EPDR1: variants seen among roughly 807,000 people sequenced by gnomAD.
EPDR1 encodes mammalian ependymin-related protein 1.
Under a neutral mutation model 23.7 loss-of-function variants are expected in EPDR1, and 27 were observed. The observed-to-expected ratio is 1.14, with a 90% CI of 0.84 to 1.57. EPDR1 has a LOEUF of 1.57. Ranked by LOEUF, EPDR1 falls within the 40% of genes most tolerant of loss-of-function variation. EPDR1 has a pLI of 0.00. For missense variants in EPDR1, 349 were observed against 290.4 expected, an observed-to-expected ratio of 1.20 and a Z score of -1.47; for synonymous variants, 137 against 118.2, an observed-to-expected ratio of 1.16 and a Z score of -1.03.
chr7:37,937,256 A>G (rs949393882), intron 1 of EPDR1, among the ~76,000 whole-genome samples: 10 of 152,212 alleles, frequency 6.6e-5, no homozygotes, highest in Admixed American at 2.6e-4. Flanking sequence ...AAACCAAACT[A>G]AAGATCTAAC....
intron 1 of EPDR1, among the ~76,000 whole-genome samples, chr7:37,946,509 T>G (rs1199722561): frequency 1.3e-5 from 2 of 152,240 alleles, no homozygotes; most frequent in Non-Finnish European, 2.9e-5. Flanking sequence ...TTCCTATGTT[T>G]GTTGGCCACA....
intron 1 of EPDR1, among the ~76,000 whole-genome samples, chr7:37,929,865 C>T (rs1484473764): frequency 6.6e-6 from 1 of 152,142 alleles, no homozygotes; most frequent in African/African-American, 2.4e-5. Context: ...CTCTCTTGTG[C>T]CTCAATTTCA....
chr7:37,950,528 T>A lies in EPDR1; in HGVS notation c.*132T>A. ...AATTTTAGGAAGATGCACATTGATGTGGGGTTTTGATGTGTCTGATTTTGA... is the reference window on the plus strand; with the variant it reads ...AATTTTAGGAAGATGCACATTGATGAGGGGTTTTGATGTGTCTGATTTTGA... On this transcript the variant is annotated 3_prime_UTR_variant, in exon 3 of 3. Transcript: ENST00000199448. 3.3e-6 allele frequency: 3 copies of A among 906,330 alleles called. No homozygotes were observed. The highest frequency in any genetic ancestry group is 5.3e-5 in the East Asian group (2 of 37,430). 56.1% of individuals were successfully genotyped at this position (906,330 alleles called of 1,614,324 possible).
chr7:37,935,173 G>T (rs1268385786), intron 1 of EPDR1, among the ~76,000 whole-genome samples: 3 of 152,070 alleles, frequency 2.0e-5, no homozygotes, highest in African/African-American at 7.3e-5. Context: ...TTCCATGGAG[G>T]TAGAGGGACT....
At chr7:37,921,306 C>T (rs1165109834) in intron 1 of EPDR1, 98 bp downstream of exon 1, 7 of 1,449,140 alleles carry the variant, frequency 4.8e-6, no homozygotes, top group Non-Finnish European at 6.3e-6. Flanking sequence ...TTTCCGGCCC[C>T]TTGCAGCTCC....
intron 1 of EPDR1, among the ~76,000 whole-genome samples, chr7:37,943,086 C>T (rs909184810): frequency 2.0e-5 from 3 of 152,204 alleles, no homozygotes; most frequent in Non-Finnish European, 4.4e-5. Flanking sequence ...AGCAGCAGGG[C>T]CTTTGTGGGA....
chr7:37,939,468 G>A (rs1196662279), intron 1 of EPDR1, among the ~76,000 whole-genome samples: 1 of 152,080 alleles, frequency 6.6e-6, no homozygotes, highest in African/African-American at 2.4e-5. Flanking sequence ...TGCCACTTGA[G>A]CCTTATAATA....
chr7:37,926,871 A>G (rs1785824110), intron 1 of EPDR1: 2 of 310,026 alleles, frequency 6.5e-6, no homozygotes, highest in Admixed American at 3.6e-5. Flanking sequence ...AATCTTCTGA[A>G]TTATACTTTA....
At position 37,950,255 on chromosome 7, in the gene EPDR1, C is replaced by T; in HGVS notation, c.534C>T (p.Thr178=). 1.2e-6 allele frequency: 2 copies of T among 1,614,078 alleles called. No homozygotes were observed. The highest frequency in any genetic ancestry group is 1.7e-6 in the Non-Finnish European group (2 of 1,179,996). Residue 178 remains threonine (T), a synonymous_variant, in exon 3 of 3, where the codon ACC becomes ACT. Transcript: ENST00000199448. The part of the protein sequence containing the change: ...TVKDCYPVQE[T]FTINYSVILS... ...AGGATTGCTATCCTGTCCAGGAAACCTTTACCATAAACTACAGTGTGATAT... is the reference window on the plus strand; with the variant it reads ...AGGATTGCTATCCTGTCCAGGAAACTTTTACCATAAACTACAGTGTGATAT...
chr7:37,921,624 C>G (rs1424430316), intron 1 of EPDR1, among the ~76,000 whole-genome samples: 1 of 152,162 alleles, frequency 6.6e-6, no homozygotes, highest in Non-Finnish European at 1.5e-5. Flanking sequence ...TAGAGAGGCA[C>G]GCAGAATATG....
At position 37,950,334 on chromosome 7, in the gene EPDR1, A is replaced by T; in HGVS notation, c.613A>T (p.Thr205Ser). The T allele has an allele frequency of 6.2e-7, 1 of 1,613,834 alleles. No individual in the cohort carries two copies. The highest frequency in any genetic ancestry group is 8.5e-7 in the Non-Finnish European group (1 of 1,179,904). ...GGGTATTAAAGACCCCTCGGTGTTT[A>T]CCCCTCCAAGCACGTGCCAGATGGC... is the stretch of plus-strand genomic sequence containing the variant. Reference protein sequence around the residue: ...QLGIKDPSVFTPPSTCQMAQL... With the variant: ...QLGIKDPSVFSPPSTCQMAQL... Residue 205 changes from threonine (T) to serine (S), a missense_variant, in exon 3 of 3, where the codon ACC (threonine) becomes TCC (serine). By Grantham distance (58) the Thr-to-Ser change is moderately conservative. Coordinates refer to ENST00000199448, the MANE Select transcript of EPDR1 (RefSeq NM_017549.5).
rs1786383004 is a variant in EPDR1 at position 37,950,568 on chromosome 7, T to C, written c.*172T>C. ...TCTGATTTTGACTACTCAAGCTCTGTTTACAGAAGAAAATTGAATGGCGAG... is the reference window on the plus strand; with the variant it reads ...TCTGATTTTGACTACTCAAGCTCTGCTTACAGAAGAAAATTGAATGGCGAG... On this transcript the variant is annotated 3_prime_UTR_variant, in exon 3 of 3. Transcript: ENST00000199448. 1.5e-6 allele frequency: 1 copy of C among 662,880 alleles called. No homozygotes were observed. The highest frequency in any genetic ancestry group is 2.5e-6 in the Non-Finnish European group (1 of 401,568). 41.1% of individuals were successfully genotyped at this position (662,880 alleles called of 1,614,324 possible).
intron 1 of EPDR1, among the ~76,000 whole-genome samples, chr7:37,935,957 C>G (rs1183467041): frequency 5.2e-5 from 6 of 115,428 alleles, no homozygotes. Context: ...TAGAAATAAT[C>G]TAAACGGACA....
rs1483279944 is a variant in EPDR1, at chr7:37,951,174, A to C, written c.*778A>C. On this transcript the variant is annotated 3_prime_UTR_variant, in exon 3 of 3. Transcript: ENST00000199448. ...TGAATCTTCACAGACTTGTCAATAC[A>C]CAGGCAGTATTCTAAAATAGCACTG... is the stretch of plus-strand genomic sequence containing the variant. 6.6e-6 allele frequency: 1 copy of C among 152,230 alleles called. No homozygotes were observed. Among genetic ancestry groups the C allele is most frequent in the African/African-American group, 2.4e-5 (1 of 41,458 alleles). 9.4% of individuals were successfully genotyped at this position (152,230 alleles called of 1,614,324 possible).
intron 1 of EPDR1, among the ~76,000 whole-genome samples, chr7:37,928,432 T>C (rs1379482304): frequency 6.6e-6 from 1 of 152,182 alleles, no homozygotes; most frequent in Non-Finnish European, 1.5e-5. Context: ...TCTTACCAGC[T>C]GAAATCTCAT....
intron 1 of EPDR1, among the ~76,000 whole-genome samples, chr7:37,942,265 C>G (rs1235959127): frequency 6.6e-6 from 1 of 152,174 alleles, no homozygotes; most frequent in Non-Finnish European, 1.5e-5. Context: ...TGTATACATA[C>G]AGTGGGATGT....
chr7:37,929,671 C>T (rs576790163), intron 1 of EPDR1, among the ~76,000 whole-genome samples: 131 of 152,046 alleles, frequency 8.6e-4, no homozygotes, highest in African/African-American at 2.1e-3. Flanking sequence ...TTATATGTTA[C>T]GTTATACCTC....
At chr7:37,949,800 C>G (rs186535819) in intron 2 of EPDR1, among the ~76,000 whole-genome samples, 26 of 152,286 alleles carry the variant, frequency 1.7e-4, no homozygotes, top group African/African-American at 6.0e-4. Flanking sequence ...GAAGGAAACA[C>G]CAGCACATGC....
chr7:37,934,042 T>C (rs1785998992), intron 1 of EPDR1, among the ~76,000 whole-genome samples: 1 of 151,252 alleles, frequency 6.6e-6, no homozygotes, highest in African/African-American at 2.4e-5. Flanking sequence ...AGTGGCGTGA[T>C]CTCAGCTCAC....
Sources: gnomAD v4.1 joint callset for allele counts (sites outside exome capture counted in the v4.1 genomes callset) on GRCh38, gnomAD v4.1.1 for gene constraint, MANE v1.5 for transcripts, NCBI Gene and HGNC (gene_info 2026-07-23, HGNC 2026-07-21) for gene names.